TTC8: variants seen among roughly 807,000 people sequenced by gnomAD.
TTC8 encodes tetratricopeptide repeat protein 8.
A neutral mutation model predicts 72.5 loss-of-function variants in TTC8; 47 were observed. That is an observed-to-expected ratio of 0.65 (90% CI 0.51 to 0.83). TTC8 has a LOEUF of 0.83. Among genes scored for constraint, TTC8 ranks in the 40% least tolerant of loss-of-function variants. The probability of loss-of-function intolerance (pLI) is 0.00; values close to 1 mark genes in which losing one functional copy is unlikely to be tolerated. For synonymous variants in TTC8, 199 were observed against 221.4 expected, an observed-to-expected ratio of 0.90 and a Z score of 0.90; for missense variants, 611 against 623.2, an observed-to-expected ratio of 0.98 and a Z score of 0.21.
chr14:88,876,361 A>G (rs376627721), intron 14 of TTC8, among the ~76,000 whole-genome samples: 1 of 152,224 alleles, frequency 6.6e-6, no homozygotes, highest in East Asian at 1.9e-4. Context: ...ATGTATTGTT[A>G]CCAGAAATCT....
downstream of TTC8, chr14:88,878,889 T>C (rs951302575): frequency 6.6e-6 from 1 of 152,192 alleles, no homozygotes; most frequent in African/African-American, 2.4e-5. Context: ...ATGAGAATAC[T>C]GAGGCATAGT....
At chr14:88,863,151 T>C (rs1407473604) in intron 10 of TTC8, among the ~76,000 whole-genome samples, 1 of 152,102 alleles carries the variant, frequency 6.6e-6, no homozygotes, top group Non-Finnish European at 1.5e-5. Flanking sequence ...GTCTTTTTTT[T>C]GTTCTTCAGC....
chr14:88,871,860 T>C lies in TTC8; in HGVS notation c.1224+137T>C, dbSNP rs2094935771. On this transcript the variant is annotated intron_variant, in intron 12 of 14. Transcript: ENST00000380656. This position sits in a 1 kb window ranked among gnomAD's most constrained non-coding sequence, Gnocchi z 4.1. ...TGAGCCCAGGAGTTTGAGACCACCCTGGGCAACATAGTGGGACTCTGTCTC... is the reference window on the plus strand; with the variant it reads ...TGAGCCCAGGAGTTTGAGACCACCCCGGGCAACATAGTGGGACTCTGTCTC... 2 of 961,030 alleles carry C rather than the reference T, an allele frequency of 2.1e-6. No homozygotes were observed. The highest frequency in any genetic ancestry group is 1.6e-5 in the African/African-American group (1 of 61,734). The allele number at this position is 961,030 out of a possible 1,614,324, so 59.5% of individuals were successfully genotyped here.
chr14:88,861,357 A>T (rs2141016349), intron 10 of TTC8, 25 bp downstream of exon 10: 5 of 1,470,028 alleles, frequency 3.4e-6, no homozygotes, highest in Non-Finnish European at 4.7e-6. Context: ...TATTATTATT[A>T]TTTATTGATA....
upstream of TTC8, chr14:88,824,527 T>C (rs2140943404): frequency 5.0e-6 from 3 of 597,800 alleles, no homozygotes; most frequent in South Asian, 2.0e-5. Flanking sequence ...AGGCAAGCCC[T>C]GTAGCCGAGT....
chr14:88,862,864 A>G (rs1293404875), intron 10 of TTC8, among the ~76,000 whole-genome samples: 1 of 151,510 alleles, frequency 6.6e-6, no homozygotes, highest in East Asian at 2.0e-4. Flanking sequence ...GAAAAGTCCC[A>G]TTGAGATATC....
chr14:88,872,273 A>G, intron 12 of TTC8, 57 bp from the exon 13 acceptor site: 1 of 1,609,684 alleles, frequency 6.2e-7, no homozygotes, highest in Non-Finnish European at 8.5e-7. Flanking sequence ...CTATGAGGAA[A>G]GAAGGGAGGA....
At chr14:88,836,388 G>A (rs996251790) in intron 2 of TTC8, among the ~76,000 whole-genome samples, 4 of 151,652 alleles carry the variant, frequency 2.6e-5, no homozygotes, top group African/African-American at 9.7e-5. Flanking sequence ...AGCTACTCTG[G>A]AACCTGAGAC....
In TTC8 at chr14:88,843,847, G is replaced by A. The variant is rs2094793721; in HGVS notation, c.621G>A (p.Lys207=). 1 of 1,587,950 alleles carries A rather than the reference G, an allele frequency of 6.3e-7. No individual in the cohort carries two copies. The highest frequency in any genetic ancestry group is 1.1e-5 in the South Asian group (1 of 88,224). Residue 207 remains lysine (K), a synonymous_variant, in exon 7 of 15, where the codon AAG becomes AAA. Coordinates refer to ENST00000380656, the MANE Select transcript of TTC8 (RefSeq NM_144596.4). The stretch of plus-strand genomic sequence containing the variant: ...TCTTTCATCATGAAAATGATGTTAA[G>A]ACTGTAAGTTTTGAATTCATGCTAT... ...EYIFHHENDV[K]TALDLAALST... is the part of the protein sequence containing the mutation.
At chr14:88,870,510 C>G (rs1443117974) in intron 11 of TTC8, among the ~76,000 whole-genome samples, 1 of 152,128 alleles carries the variant, frequency 6.6e-6, no homozygotes, top group Non-Finnish European at 1.5e-5. Flanking sequence ...TCATCATTGC[C>G]TCCGTTAATA....
chr14:88,833,344 G>A lies in TTC8; in HGVS notation c.115-349G>A, dbSNP rs114973015. 9.8e-3 allele frequency among the ~76,000 whole-genome samples: 1,493 copies of A among 152,034 alleles called. 22 individuals carry two copies. Among genetic ancestry groups the A allele is most frequent in the African/African-American group, 0.034 (1,427 of 41,460 alleles). On this transcript the variant is annotated intron_variant, in intron 1 of 14. Transcript: ENST00000380656. ...TTAAAGTCTGAATGTTTTAACCACC[G>A]TGAACTTATTTTTGAATAAAAGGAA...
At chr14:88,827,072 C>G (rs1363983648) in intron 1 of TTC8, among the ~76,000 whole-genome samples, 1 of 151,378 alleles carries the variant, frequency 6.6e-6, no homozygotes, top group Non-Finnish European at 1.5e-5. Context: ...TCACTGTTAT[C>G]CTGGGAAGAT....
At position 88,870,090 on chromosome 14, in the gene TTC8, A is replaced by G; in HGVS notation, c.941A>G (p.Tyr314Cys). The G allele has an allele frequency of 1.2e-6, 2 of 1,614,066 alleles. No individual in the cohort carries two copies. The highest frequency in any genetic ancestry group is 1.7e-5 in the Admixed American group (1 of 60,016). Residue 314 changes from tyrosine to cysteine, a missense_variant, in exon 11 of 15, where the codon TAT becomes TGT. Coordinates refer to ENST00000380656, the MANE Select transcript of TTC8 (RefSeq NM_144596.4). ...AACAATATGTCATCAGCAGCAGAATATTACAAAGAAGTTTTGAAACAAGAC... is the reference window on the plus strand; with the variant it reads ...AACAATATGTCATCAGCAGCAGAATGTTACAAAGAAGTTTTGAAACAAGAC... Reference protein sequence around the residue: ...EMNNMSSAAEYYKEVLKQDNT... With the variant: ...EMNNMSSAAECYKEVLKQDNT...
chr14:88,877,205 T>C, intron 14 of TTC8, 89 bp from the exon 15 acceptor site: 2 of 921,722 alleles, frequency 2.2e-6, no homozygotes, highest in South Asian at 1.4e-5. Flanking sequence ...TTCTACAGCA[T>C]GCAGATACTA....
chr14:88,861,165 A>G (rs1027049369), intron 9 of TTC8, 57 bp from the exon 10 acceptor site: 1 of 1,241,300 alleles, frequency 8.1e-7, no homozygotes, highest in Non-Finnish European at 1.2e-6. Context: ...TATAAATGTC[A>G]TAACAAATAT....
chr14:88,859,173 G>C (rs1373319459), intron 9 of TTC8, among the ~76,000 whole-genome samples: 1 of 152,048 alleles, frequency 6.6e-6, no homozygotes, highest in Non-Finnish European at 1.5e-5. Context: ...TTATGTAATA[G>C]AGATCAAGCA....
intron 10 of TTC8, among the ~76,000 whole-genome samples, chr14:88,868,926 G>A (rs1209337854): frequency 6.6e-6 from 1 of 152,174 alleles, no homozygotes; most frequent in Non-Finnish European, 1.5e-5. Context: ...CACAAAGTAT[G>A]CAAAAGAGTG....
chr14:88,853,006 T>C lies in TTC8; in HGVS notation c.660T>C (p.Ser220=). 6.2e-7 allele frequency: 1 copy of C among 1,613,626 alleles called. No homozygotes were observed. Among genetic ancestry groups the C allele is most frequent in the Non-Finnish European group, 8.5e-7 (1 of 1,179,668 alleles). The stretch of plus-strand genomic sequence containing the variant: ...TGGCTGCCCTCTCCACAGAACATTC[T>C]CAGTACAAGGACTGGTGGTGGAAAG... The part of the protein sequence containing the change: ...LDLAALSTEH[S]QYKDWWWKVQ... The change falls in exon 8 of 15, where the codon TCT becomes TCC. Residue 220 remains serine, a synonymous_variant. Coordinates refer to ENST00000380656, the MANE Select transcript of TTC8 (RefSeq NM_144596.4).
At chr14:88,839,850 A>T (rs2094771923) in intron 3 of TTC8, among the ~76,000 whole-genome samples, 1 of 152,208 alleles carries the variant, frequency 6.6e-6, no homozygotes, top group African/African-American at 2.4e-5. Context: ...TGCATTTTAG[A>T]AATAATTTAT....
Sources: gnomAD v4.1 joint callset for allele counts (sites outside exome capture counted in the v4.1 genomes callset) on GRCh38, gnomAD v4.1.1 for gene constraint, Gnocchi (gnomAD v3.1) non-coding constraint, MANE v1.5 for transcripts, NCBI Gene and HGNC (gene_info 2026-07-23, HGNC 2026-07-21) for gene names.